The following PCM1 variants were observed in gnomAD, a reference collection of about 807,000 sequenced individuals.
The protein encoded by PCM1 is pericentriolar material 1 protein.
PCM1 carries 157 observed loss-of-function variants against 241.9 expected under a neutral mutation model. The observed-to-expected ratio is 0.65, with a 90% CI of 0.57 to 0.74. The LOEUF is 0.74. Among genes scored for constraint, PCM1 ranks in the 30% least tolerant of loss-of-function variants. The pLI is 0.00. For synonymous variants in PCM1, 1,085 were observed against 784.9 expected (o/e 1.38, Z -6.39); for missense variants, 3,478 against 2,360.1 (o/e 1.47, Z -9.81).
intron 2 of PCM1, among the ~76,000 whole-genome samples, chr8:17,933,232 C>T (rs1443029315): frequency 3.9e-5 from 6 of 152,172 alleles, no homozygotes; most frequent in African/African-American, 1.4e-4. Flanking sequence ...GTTTTTCTTA[C>T]TACATTTTTC....
At chr8:17,933,634 T>G (rs954158562) in intron 2 of PCM1, among the ~76,000 whole-genome samples, 3 of 152,204 alleles carry the variant, frequency 2.0e-5, no homozygotes, top group African/African-American at 7.2e-5. Context: ...AGAGCCAAAT[T>G]ATTACTCCTA....
chr8:18,008,080 T>C (rs936530457), intron 30 of PCM1, among the ~76,000 whole-genome samples: 1 of 152,150 alleles, frequency 6.6e-6, no homozygotes, highest in Admixed American at 6.5e-5. Flanking sequence ...TTCCAAAGAA[T>C]AGACATCAGA....
intron 36 of PCM1, among the ~76,000 whole-genome samples, chr8:18,020,019 C>A (rs1169337924): frequency 1.3e-5 from 2 of 152,188 alleles, no homozygotes; most frequent in African/African-American, 4.8e-5. Context: ...TGGCTTCCCC[C>A]TTGCCTGAAT....
chr8:18,025,306 A>G (rs879070810), intron 36 of PCM1, 55 bp from the exon 37 acceptor site: 1 of 922,798 alleles, frequency 1.1e-6, no homozygotes, highest in Non-Finnish European at 1.7e-6. Flanking sequence ...ATTTCTTTAC[A>G]TGGATGACTG....
Position 17,968,629 on chromosome 8 carries a change from A to AAT in PCM1, c.3413-934_3413-933dup, listed in dbSNP as rs142208962. ...GAAAAAAGGTTGAGAGGGCTTTGTG[A>AAT]ATATATATATATATAATCACAATAT... On this transcript the variant is annotated intron_variant, in intron 21 of 38. Coordinates refer to ENST00000325083, the MANE Select transcript of PCM1 (RefSeq NM_006197.4). Among the ~76,000 whole-genome samples the AAT allele has an allele frequency of 5.4e-3, 808 of 149,940 alleles. 6 individuals carry two copies. The highest frequency in any genetic ancestry group is 0.018 in the African/African-American group (728 of 40,936).
At chr8:17,939,206 G>T (rs909901882) in intron 5 of PCM1, among the ~76,000 whole-genome samples, 197 bp downstream of exon 5, 3 of 152,106 alleles carry the variant, frequency 2.0e-5, no homozygotes, top group African/African-American at 7.2e-5. Flanking sequence ...TTTAGAAATG[G>T]CATATTCAGG....
intron 23 of PCM1, among the ~76,000 whole-genome samples, chr8:17,979,792 A>G (rs1335090622): frequency 6.6e-6 from 1 of 152,206 alleles, no homozygotes; most frequent in African/African-American, 2.4e-5. Flanking sequence ...AAAATTAAAA[A>G]CAAAAAACAA....
intron 22 of PCM1, among the ~76,000 whole-genome samples, chr8:17,970,718 A>G (rs1720648141): frequency 1.3e-5 from 2 of 152,184 alleles, no homozygotes; most frequent in South Asian, 2.1e-4. Flanking sequence ...TCCTATTAGA[A>G]TGTCCCTACT....
chr8:18,017,770 T>C (rs1197196362), intron 36 of PCM1, among the ~76,000 whole-genome samples: 3 of 152,116 alleles, frequency 2.0e-5, no homozygotes, highest in Non-Finnish European at 2.9e-5. Flanking sequence ...GGAGAATCGT[T>C]TGAACCCAGT....
chr8:17,931,434 G>T (rs1052978220), intron 2 of PCM1, among the ~76,000 whole-genome samples: 1 of 152,044 alleles, frequency 6.6e-6, no homozygotes, highest in African/African-American at 2.4e-5. Context: ...GACTACAGGC[G>T]TGTGCCACCA....
In PCM1 at chr8:18,025,421, G is replaced by T. The variant is rs760765990; in HGVS notation, c.5902G>T (p.Asp1968Tyr). 1 of 1,601,938 alleles carries T rather than the reference G, an allele frequency of 6.2e-7. No individual in the cohort carries two copies. The highest frequency in any genetic ancestry group is 8.5e-7 in the Non-Finnish European group (1 of 1,171,724). ...SDEEDFVKVE[D>Y]LPLKLTIYSE... ...TGAAGAAGATTTTGTAAAAGTTGAA[G>T]ATTTACCACTGAAACTGACAATATA... The change falls in exon 37 of 39, where the codon GAT becomes TAT. Residue 1968 changes from aspartate to tyrosine, a missense_variant. Physicochemically the swap from Asp to Tyr is radical, Grantham distance 160. Transcript: ENST00000325083.
chr8:18,016,333 C>T (rs2093191418), intron 36 of PCM1, among the ~76,000 whole-genome samples: 1 of 152,172 alleles, frequency 6.6e-6, no homozygotes, highest in South Asian at 2.1e-4. Flanking sequence ...TCTGGGACCC[C>T]TCTTTCTAGA....
intron 23 of PCM1, among the ~76,000 whole-genome samples, chr8:17,976,807 T>C (rs1259835104): frequency 6.6e-6 from 1 of 152,042 alleles, no homozygotes; most frequent in African/African-American, 2.4e-5. Flanking sequence ...CACACATTAG[T>C]ACCTTAACTT....
chr8:17,973,245 A>G (rs1337481516), intron 23 of PCM1, among the ~76,000 whole-genome samples: 1 of 152,190 alleles, frequency 6.6e-6, no homozygotes, highest in African/African-American at 2.4e-5. Context: ...GGTGTTAGTC[A>G]TACCTCTTAC....
intron 25 of PCM1, 62 bp from the exon 26 acceptor site, chr8:17,985,897 A>C: frequency 8.9e-7 from 1 of 1,129,740 alleles, no homozygotes; most frequent in African/African-American, 1.6e-5. Flanking sequence ...TGAATCTGTA[A>C]TATAAATGAA....
At position 17,939,680 on chromosome 8, in the gene PCM1, T is replaced by C; in HGVS notation, c.613-11T>C. 6.8e-7 allele frequency: 1 copy of C among 1,468,812 alleles called. No individual in the cohort carries two copies. Among genetic ancestry groups the C allele is most frequent in the Non-Finnish European group, 9.1e-7 (1 of 1,098,938 alleles). The allele number at this position is 1,468,812 out of a possible 1,614,324, so 91.0% of individuals were successfully genotyped here. A position where few individuals can be genotyped will look rare whatever the true frequency, so the allele number is the denominator to read the frequency against. The stretch of plus-strand genomic sequence containing the variant: ...TTCATGCTTTTTTTAAAAAAAATAT[T>C]TCCCCTGCAGATTGTAAGCAGGCTT... On this transcript the variant is annotated splice_polypyrimidine_tract_variant and intron_variant, in intron 5 of 38. Transcript: ENST00000325083.
At chr8:17,985,397 C>A (rs1245603933) in intron 24 of PCM1, 50 bp from the exon 25 acceptor site, 3 of 1,281,802 alleles carry the variant, frequency 2.3e-6, no homozygotes, top group Non-Finnish European at 3.2e-6. Context: ...TAAAAGTTGT[C>A]ATGAAGGTAC....
At chr8:17,983,365 A>AT (rs2081575829) in intron 24 of PCM1, 3 of 828,534 alleles carry the variant, frequency 3.6e-6, no homozygotes, top group Non-Finnish European at 5.2e-6. Flanking sequence ...TATTGTCCTG[A>AT]TTTTTTTCTT....
intron 2 of PCM1, among the ~76,000 whole-genome samples, chr8:17,934,422 C>T (rs879591382): frequency 1.3e-5 from 2 of 151,884 alleles, no homozygotes; most frequent in African/African-American, 2.4e-5. Flanking sequence ...CCACCACACC[C>T]GGCTAATTTT....
Sources: allele counts gnomAD v4.1 joint callset (sites outside exome capture counted in the v4.1 genomes callset), GRCh38; gene constraint gnomAD v4.1.1; transcripts MANE v1.5; gene names NCBI Gene and HGNC (gene_info 2026-07-23, HGNC 2026-07-21).